The following NPHS1 variants were observed in gnomAD, a reference collection of about 807,000 sequenced individuals.
NPHS1 encodes the protein NPHS1 adhesion molecule, nephrin, also known as nephrin.
Under a neutral mutation model 139.7 loss-of-function variants are expected in NPHS1, and 107 were observed. The ratio of observed to expected loss-of-function variants is 0.77; its 90% CI spans 0.66 to 0.90. The LOEUF (loss-of-function observed/expected upper bound fraction) is 0.90. Among genes scored for constraint, NPHS1 ranks in the 40% least tolerant of loss-of-function variants. NPHS1 has a pLI of 0.00. For synonymous variants in NPHS1, 707 were observed against 706.6 expected (o/e 1.00, Z -0.01); for missense variants, 1,580 against 1,654.2 (o/e 0.96, Z 0.78).
Position 35,842,430 on chromosome 19 carries a change from C to A in NPHS1, c.2455G>T (p.Asp819Tyr), listed in dbSNP as rs1973074289. The A allele has an allele frequency of 6.2e-7, 1 of 1,614,086 alleles. No individual in the cohort carries two copies. The highest frequency in any genetic ancestry group is 1.7e-5 in the Admixed American group (1 of 60,000). The part of the protein sequence containing the change: ...AQAGAYQCIV[D>Y]NGVAPPARRL... ...CGTGCTGGAGGCGCCACCCCATTGTCCACAATGCACTGGTAAGCGCCAGCC... is the reference window on the plus strand; with the variant it reads ...CGTGCTGGAGGCGCCACCCCATTGTACACAATGCACTGGTAAGCGCCAGCC... The change falls in exon 18 of 29, where the codon GAC becomes TAC. Residue 819 changes from aspartate (D) to tyrosine (Y), a missense_variant. Physicochemically the swap from Asp to Tyr is radical, Grantham distance 160. Coordinates refer to ENST00000378910, the MANE Select transcript of NPHS1 (RefSeq NM_004646.4).
In NPHS1 at chr19:35,852,398, A is replaced by T. The variant is rs555583031; in HGVS notation, c.-561T>A. ...CACTACTCACAGCCTTTCAAGAAGG[A>T]CCTGCAGCCCAGAGTCCAGCAGGCC... is the stretch of plus-strand genomic sequence containing the variant. On this transcript the variant is annotated 5_prime_UTR_variant, in exon 1 of 29. Coordinates refer to ENST00000378910, the MANE Select transcript of NPHS1 (RefSeq NM_004646.4). Among the ~76,000 whole-genome samples the T allele has an allele frequency of 1.6e-4, 24 of 151,974 alleles. No individual in the cohort carries two copies. In the East Asian group the frequency reaches 4.3e-3, roughly 27 times the overall value.
At chr19:35,847,147 G>A (rs915502159) in intron 11 of NPHS1, among the ~76,000 whole-genome samples, 4 of 151,914 alleles carry the variant, frequency 2.6e-5, no homozygotes, top group Non-Finnish European at 5.9e-5. Flanking sequence ...CCGGGTTCAC[G>A]CCATTCTCCT....
intron 23 of NPHS1, among the ~76,000 whole-genome samples, chr19:35,833,102 C>T (rs923372308): frequency 1.3e-4 from 20 of 150,770 alleles, no homozygotes; most frequent in African/African-American, 3.9e-4. Context: ...CCATGTTGGA[C>T]AGGCTGTTCT....
rs1262079334 is a variant in NPHS1 at position 35,841,745 on chromosome 19, C to T, written c.2785G>A (p.Asp929Asn). 1 of 1,614,030 alleles carries T rather than the reference C, an allele frequency of 6.2e-7. No homozygotes were observed. The highest frequency in any genetic ancestry group is 1.3e-5 in the African/African-American group (1 of 74,910). ...CTGACAAGTTGAATGTTGGTTTGGT[C>T]CGAGCCAAGGGCGTTGGTGGCTGTA... ...TCTATNALGS[D>N]QTNIQLVSIS... Residue 929 changes from aspartate (D) to asparagine (N), a missense_variant, in exon 20 of 29, where the codon GAC becomes AAC. Coordinates refer to ENST00000378910, the MANE Select transcript of NPHS1 (RefSeq NM_004646.4).
intron 22 of NPHS1, among the ~76,000 whole-genome samples, chr19:35,838,116 T>G (rs1442131506): frequency 6.7e-6 from 1 of 149,930 alleles, no homozygotes; most frequent in Non-Finnish European, 1.5e-5. Context: ...TACAGGTGCA[T>G]GCCTGTAATC....
intron 4 of NPHS1, 127 bp from the exon 5 acceptor site, chr19:35,850,572 T>C: frequency 1.2e-6 from 1 of 837,386 alleles, no homozygotes; most frequent in Admixed American, 2.0e-5. Context: ...GAAAAGGGCC[T>C]GGGGCAGAGC....
At chr19:35,838,646 G>A (rs897049988) in intron 22 of NPHS1, among the ~76,000 whole-genome samples, 12 of 150,092 alleles carry the variant, frequency 8.0e-5, no homozygotes, top group African/African-American at 2.7e-4. Context: ...TCAGGTGTTC[G>A]AGACCAGCCT....
At position 35,831,044 on chromosome 19, in the gene NPHS1, C is replaced by T. The variant is rs1458297174; in HGVS notation, c.3481+9G>A. ...TGAGTGAGGGAATCCTGACATGGTC[C>T]TAACTCACCTCGGGAATAAGACACC... On this transcript the variant is annotated intron_variant, in intron 27 of 28. Coordinates refer to ENST00000378910, the MANE Select transcript of NPHS1 (RefSeq NM_004646.4). The T allele has an allele frequency of 1.9e-6, 3 of 1,613,576 alleles. No homozygotes were observed. The highest frequency in any genetic ancestry group is 2.5e-6 in the Non-Finnish European group (3 of 1,179,558).
Position 35,827,460 on chromosome 19 carries a change from CAAAAAAAG to C in NPHS1, c.3595-823_3595-816del, listed in dbSNP as rs1176515466. Among the ~76,000 whole-genome samples the C allele has an allele frequency of 1.6e-4, 24 of 151,148 alleles. No individual in the cohort carries two copies. The East Asian group carries it at 1.7e-3, about 11-fold the overall frequency. ...CCTGGGTGACAGACTGAGACTATCT[CAAAAAAAG>C]AAAAAAAGAAAAAAGAAAAAACCAG... On this transcript the variant is annotated intron_variant, in intron 28 of 28. Transcript: ENST00000378910.
intron 20 of NPHS1, 49 bp downstream of exon 20, chr19:35,841,666 T>C: frequency 2.5e-6 from 4 of 1,607,564 alleles, no homozygotes; most frequent in Non-Finnish European, 3.4e-6. Context: ...GATGTGGGAA[T>C]GGATCCAGGG....
At position 35,842,209 on chromosome 19, in the gene NPHS1, T is replaced by C. The variant is rs1422562577; in HGVS notation, c.2578A>G (p.Thr860Ala). The C allele has an allele frequency of 1.2e-6, 2 of 1,611,528 alleles. No homozygotes were observed. Among genetic ancestry groups the C allele is most frequent in the South Asian group, 2.2e-5 (2 of 90,784 alleles). Residue 860 changes from threonine (T) to alanine (A), a missense_variant, in exon 19 of 29, where the codon ACC (threonine) becomes GCC (alanine). Thr to Ala is a moderately conservative substitution (Grantham distance 58). Coordinates refer to ENST00000378910, the MANE Select transcript of NPHS1 (RefSeq NM_004646.4). Reference protein sequence around the residue: ...AAAGDSTSSATLHCRARGVPN... With the variant: ...AAAGDSTSSAALHCRARGVPN... Reference sequence around the variant, plus strand: ...ACACCTCGGGCACGGCAGTGGAGGGTGGCAGAACTGGTGCTGTCTCCAGCT... The same window carrying C: ...ACACCTCGGGCACGGCAGTGGAGGGCGGCAGAACTGGTGCTGTCTCCAGCT...
At chr19:35,837,640 T>C (rs1015159857) in intron 22 of NPHS1, among the ~76,000 whole-genome samples, 7 of 152,008 alleles carry the variant, frequency 4.6e-5, no homozygotes, top group Non-Finnish European at 1.0e-4. Flanking sequence ...TTTGCTCTTG[T>C]TGCCCAGGCT....
intron 22 of NPHS1, 24 bp from the exon 23 acceptor site, chr19:35,835,785 T>A: frequency 6.2e-7 from 1 of 1,603,626 alleles, no homozygotes. Flanking sequence ...ATACAGATTG[T>A]GACTTAACAC....
chr19:35,851,115 G>A (rs761644199), intron 3 of NPHS1, 26 bp from the exon 4 acceptor site: 1 of 1,614,102 alleles, frequency 6.2e-7, no homozygotes, highest in South Asian at 1.1e-5. Flanking sequence ...TCTGGGGTAA[G>A]CTTCCAGCAC....
At chr19:35,843,702 G>A in intron 16 of NPHS1, 109 bp from the exon 17 acceptor site, 1 of 1,418,998 alleles carries the variant, frequency 7.0e-7, no homozygotes, top group Non-Finnish European at 9.8e-7. Context: ...AGTTATGGGT[G>A]TGGACACAAT....
At chr19:35,835,213 A>C (rs1022821969) in intron 23 of NPHS1, among the ~76,000 whole-genome samples, 5 of 150,978 alleles carry the variant, frequency 3.3e-5, no homozygotes, top group African/African-American at 1.2e-4. Context: ...AAAAAAAAAA[A>C]AAAAAAGAAA....
intron 28 of NPHS1, among the ~76,000 whole-genome samples, chr19:35,827,745 T>C (rs1328353495): frequency 6.6e-6 from 1 of 152,088 alleles, no homozygotes; most frequent in Admixed American, 6.6e-5. Flanking sequence ...GGCAAAACCC[T>C]GTCTCTACTA....
intron 20 of NPHS1, among the ~76,000 whole-genome samples, chr19:35,840,045 C>A (rs1167239800): frequency 1.3e-5 from 2 of 149,960 alleles, no homozygotes; most frequent in East Asian, 1.9e-4. Context: ...ACTCTTATTG[C>A]CCAGGCTGGA....
chr19:35,849,146 T>C lies in NPHS1; in HGVS notation c.842A>G (p.Asn281Ser), dbSNP rs774237882. 6.2e-7 allele frequency: 1 copy of C among 1,610,848 alleles called. No homozygotes were observed. The highest frequency in any genetic ancestry group is 1.7e-5 in the Admixed American group (1 of 60,034). The stretch of plus-strand genomic sequence containing the variant: ...CCACGCTGTGGACACCGGCTGGCCA[T>C]TCTGGAGACAGGGACAGGCCTGGGC... The part of the protein sequence containing the change: ...NPLATLQWLK[N>S]GQPVSTAWGT... The change falls in exon 8 of 29, where the codon AAT (asparagine) becomes AGT (serine). Residue 281 changes from asparagine (N) to serine (S), a missense_variant and splice_region_variant. By Grantham distance (46) the Asn-to-Ser change is conservative. Transcript: ENST00000378910.
Sources: allele counts gnomAD v4.1 joint callset (sites outside exome capture counted in the v4.1 genomes callset), GRCh38; gene constraint gnomAD v4.1.1; transcripts MANE v1.5; gene names NCBI Gene and HGNC (gene_info 2026-07-23, HGNC 2026-07-21).